USP45: variants seen among roughly 807,000 people sequenced by gnomAD.
The protein encoded by USP45 is ubiquitin specific peptidase 45, also known as ubiquitin carboxyl-terminal hydrolase 45.
USP45 carries 89 observed loss-of-function variants against 95.8 expected under a neutral mutation model. The observed-to-expected ratio is 0.93, with a 90% CI of 0.78 to 1.11. The LOEUF is 1.11. Among genes scored for constraint, USP45 ranks in the 50% least tolerant of loss-of-function variants. The pLI is 0.00. For synonymous variants in USP45, 281 were observed against 316.2 expected (o/e 0.89, Z 1.18); for missense variants, 898 against 942.5 (o/e 0.95, Z 0.62).
chr6:99,454,650 T>C (rs1784607078), intron 13 of USP45, among the ~76,000 whole-genome samples: 1 of 152,170 alleles, frequency 6.6e-6, no homozygotes, highest in South Asian at 2.1e-4. Flanking sequence ...GAAATGCAGA[T>C]TAAAACCACA....
Position 99,434,301 on chromosome 6 carries a change from A to G in USP45, c.*1415T>C, listed in dbSNP as rs989463692. On this transcript the variant is annotated 3_prime_UTR_variant, in exon 18 of 18. Coordinates refer to ENST00000500704, the MANE Select transcript of USP45 (RefSeq NM_001346022.3). ...ATGTGTTTAAGACAGTCTTGATTAA[A>G]TATTTCCATACCTTATCTGCAGCCA... is the stretch of plus-strand genomic sequence containing the variant. The G allele has an allele frequency of 6.6e-6, 1 of 152,216 alleles. No homozygotes were observed. The highest frequency in any genetic ancestry group is 2.4e-5 in the African/African-American group (1 of 41,468). 9.4% of individuals were successfully genotyped at this position (152,216 alleles called of 1,614,324 possible).
intron 8 of USP45, among the ~76,000 whole-genome samples, 179 bp from the exon 9 acceptor site, chr6:99,476,409 C>A (rs1313661300): frequency 2.0e-5 from 3 of 152,150 alleles, no homozygotes; most frequent in Non-Finnish European, 2.9e-5. Flanking sequence ...AGTTCGAGAC[C>A]AGCCTGGGCA....
intron 5 of USP45, among the ~76,000 whole-genome samples, chr6:99,499,371 C>A (rs954904416): frequency 1.3e-5 from 2 of 152,220 alleles, no homozygotes; most frequent in African/African-American, 4.8e-5. Context: ...AAAATCATAT[C>A]CGGCATTCTT....
chr6:99,432,931 CT>C lies in USP45; in HGVS notation c.*2784del, dbSNP rs1779923175. On this transcript the variant is annotated 3_prime_UTR_variant, in exon 18 of 18. Transcript: ENST00000500704. The stretch of plus-strand genomic sequence containing the variant: ...AACTATTAAATACAGTAAAATAGCT[CT>C]GTTGGTACATTTAAAATAAGAGAAC... 1 of 152,612 alleles carries C rather than the reference CT, an allele frequency of 6.6e-6. No homozygotes were observed. Among genetic ancestry groups the C allele is most frequent in the Non-Finnish European group, 1.5e-5 (1 of 68,040 alleles). The allele number at this position is 152,612 out of a possible 1,614,324, so 9.5% of individuals were successfully genotyped here.
At chr6:99,479,308 C>T (rs1302653709) in intron 8 of USP45, among the ~76,000 whole-genome samples, 1 of 152,034 alleles carries the variant, frequency 6.6e-6, no homozygotes, top group East Asian at 1.9e-4. Flanking sequence ...CTCCTAGGCT[C>T]AAGTGATCCT....
In USP45 at chr6:99,476,064, C is replaced by G. The variant is rs1048744337; in HGVS notation, c.933+79G>C. On this transcript the variant is annotated intron_variant, in intron 9 of 17. Transcript: ENST00000500704. ...ACTCCTGACCTCAGATGATCCACCC[C>G]GCCTTGGCCCCCCAATAATCCCTTA... is the stretch of plus-strand genomic sequence containing the variant. 3.8e-6 allele frequency: 5 copies of G among 1,330,134 alleles called. No homozygotes were observed. The African/African-American group carries it at 7.3e-5, about 20-fold the overall frequency. 82.4% of individuals were successfully genotyped at this position (1,330,134 alleles called of 1,614,324 possible).
rs914910816 is a variant in USP45, at chr6:99,442,490, C to T, written c.2073+1075G>A. Among the ~76,000 whole-genome samples the T allele has an allele frequency of 3.9e-5, 6 of 152,286 alleles. No homozygotes were observed. The East Asian group carries it at 5.8e-4, about 15-fold the overall frequency. On this transcript the variant is annotated intron_variant, in intron 15 of 17. Transcript: ENST00000500704. ...AAATATGTAAACTATCAATAGTTTT[C>T]CTTGAGATTTCCTTCTTAAGGTTTT...
intron 9 of USP45, among the ~76,000 whole-genome samples, chr6:99,474,892 T>A (rs116393467): frequency 1.1e-3 from 175 of 152,280 alleles, no homozygotes; most frequent in African/African-American, 4.2e-3. Context: ...TTAACTAATT[T>A]AACGTTAAAG....
chr6:99,448,758 G>A (rs1377754621), intron 13 of USP45, among the ~76,000 whole-genome samples: 2 of 152,158 alleles, frequency 1.3e-5, no homozygotes, highest in Non-Finnish European at 2.9e-5. Context: ...AGGAAAAAAT[G>A]TTAAGGGCAG....
chr6:99,461,366 C>G, intron 13 of USP45: 11 of 985,304 alleles, frequency 1.1e-5, no homozygotes, highest in Non-Finnish European at 1.3e-5. Flanking sequence ...TGTTGCAGCT[C>G]ATTTTACCTT....
Position 99,488,672 on chromosome 6 carries a change from G to T in USP45, c.618+9C>A. 6.3e-7 allele frequency: 1 copy of T among 1,587,900 alleles called. No homozygotes were observed. The highest frequency in any genetic ancestry group is 1.2e-5 in the South Asian group (1 of 85,492). ...TTTACATATTACAAAGCTTTCTGAT[G>T]ACTCTTACCTGCATGACTGCATTAA... is the stretch of plus-strand genomic sequence containing the variant. On this transcript the variant is annotated intron_variant, in intron 6 of 17. Transcript: ENST00000500704.
At position 99,443,731 on chromosome 6, in the gene USP45, T is replaced by G. The variant is rs1247214806; in HGVS notation, c.1976-69A>C. 5.8e-6 allele frequency: 6 copies of G among 1,042,192 alleles called. No homozygotes were observed. In the South Asian group the frequency reaches 1.2e-4, roughly 21 times the overall value. 64.6% of individuals were successfully genotyped at this position (1,042,192 alleles called of 1,614,324 possible). A position where few individuals can be genotyped will look rare whatever the true frequency, so the allele number is the denominator to read the frequency against. Reference sequence around the variant, plus strand: ...ACATTATCTACCATATAATAAAAATTTATACAGAAGTATCATACCACATTT... The same window carrying G: ...ACATTATCTACCATATAATAAAAATGTATACAGAAGTATCATACCACATTT... On this transcript the variant is annotated intron_variant, in intron 14 of 17. Coordinates refer to ENST00000500704, the MANE Select transcript of USP45 (RefSeq NM_001346022.3).
At chr6:99,490,825 A>G (rs1795010490) in intron 5 of USP45, among the ~76,000 whole-genome samples, 1 of 151,852 alleles carries the variant, frequency 6.6e-6, no homozygotes, top group Admixed American at 6.6e-5. Context: ...TGTTCTAAGG[A>G]GCAGGAAGTG....
Position 99,446,007 on chromosome 6 carries a change from A to G in USP45, c.1765T>C (p.Phe589Leu). 1 of 1,614,072 alleles carries G rather than the reference A, an allele frequency of 6.2e-7. No homozygotes were observed. The highest frequency in any genetic ancestry group is 8.5e-7 in the Non-Finnish European group (1 of 1,180,014). Residue 589 changes from phenylalanine to leucine, a missense_variant, in exon 14 of 18, where the codon TTT becomes CTT. Physicochemically the swap from Phe to Leu is conservative, Grantham distance 22. Transcript: ENST00000500704. The stretch of plus-strand genomic sequence containing the variant: ...GACCTCAAATGCTTCCCCTCTAAAA[A>G]ACATAAATTATTTGAAATATTTAGT... ...QPLNISNNLCFLEGKHLRSYS... is the reference protein window; with the variant it reads ...QPLNISNNLCLLEGKHLRSYS...
rs2128516814 is a variant in USP45, at chr6:99,435,394, TAGCC to T, written c.*318_*321del. On this transcript the variant is annotated 3_prime_UTR_variant, in exon 18 of 18. Transcript: ENST00000500704. ...CACTGTCTCAAGGAATGATTTGACT[TAGCC>T]AGCATCATTTCTGAATGCTTGTAAT... is the stretch of plus-strand genomic sequence containing the variant. 5.4e-6 allele frequency: 1 copy of T among 186,220 alleles called. No homozygotes were observed. Among genetic ancestry groups the T allele is most frequent in the Non-Finnish European group, 1.1e-5 (1 of 91,038 alleles). 11.5% of individuals were successfully genotyped at this position (186,220 alleles called of 1,614,324 possible).
chr6:99,436,206 T>C (rs1780451238), intron 17 of USP45, among the ~76,000 whole-genome samples: 2 of 151,922 alleles, frequency 1.3e-5, no homozygotes, highest in African/African-American at 2.4e-5. Flanking sequence ...TGTGTCCATG[T>C]GTACTCATTA....
At position 99,449,935 on chromosome 6, in the gene USP45, T is replaced by G. The variant is rs555774591; in HGVS notation, c.1309-3472A>C. On this transcript the variant is annotated intron_variant, in intron 13 of 17. Coordinates refer to ENST00000500704, the MANE Select transcript of USP45 (RefSeq NM_001346022.3). ...AAACCTGCTCCTGAATGACTACTGG[T>G]TACATAACGAAATGAAGGCAGAAAT... 7.2e-4 allele frequency among the ~76,000 whole-genome samples: 110 copies of G among 152,116 alleles called. 1 individual carries two copies. Among genetic ancestry groups the G allele is most frequent in the African/African-American group, 2.4e-3 (98 of 41,530 alleles).
chr6:99,446,006 A>C lies in USP45; in HGVS notation c.1766T>G (p.Phe589Cys). The C allele has an allele frequency of 6.2e-7, 1 of 1,614,046 alleles. No homozygotes were observed. Among genetic ancestry groups the C allele is most frequent in the Non-Finnish European group, 8.5e-7 (1 of 1,180,004 alleles). ...AGACCTCAAATGCTTCCCCTCTAAAAAACATAAATTATTTGAAATATTTAG... is the reference window on the plus strand; with the variant it reads ...AGACCTCAAATGCTTCCCCTCTAAACAACATAAATTATTTGAAATATTTAG... ...QPLNISNNLC[F>C]LEGKHLRSYS... The change falls in exon 14 of 18, where the codon TTT becomes TGT. Residue 589 changes from phenylalanine to cysteine, a missense_variant. Coordinates refer to ENST00000500704, the MANE Select transcript of USP45 (RefSeq NM_001346022.3).
chr6:99,502,880 C>T (rs866845829), intron 5 of USP45, among the ~76,000 whole-genome samples: 1 of 152,188 alleles, frequency 6.6e-6, no homozygotes, highest in East Asian at 1.9e-4. Context: ...TTCCCCTTCA[C>T]CTTCCACCAT....
Sources: gnomAD v4.1 joint callset for allele counts (sites outside exome capture counted in the v4.1 genomes callset) on GRCh38, gnomAD v4.1.1 for gene constraint, MANE v1.5 for transcripts, NCBI Gene and HGNC (gene_info 2026-07-23, HGNC 2026-07-21) for gene names.